MNAT1: variants seen among roughly 807,000 people sequenced by gnomAD.
MNAT1 encodes CDK-activating kinase assembly factor MAT1.
Under a neutral mutation model 42.0 loss-of-function variants are expected in MNAT1, and 43 were observed. The observed-to-expected ratio is 1.02, with a 90% CI of 0.80 to 1.32. The LOEUF (loss-of-function observed/expected upper bound fraction) is 1.32. MNAT1 is among the 40% of genes most tolerant of loss of function. MNAT1 has a pLI of 0.00. For synonymous variants in MNAT1, 118 were observed against 120.0 expected (o/e 0.98, Z 0.11); for missense variants, 306 against 350.4 (o/e 0.87, Z 1.01).
intron 7 of MNAT1, among the ~76,000 whole-genome samples, chr14:60,954,063 A>G (rs1297616779): frequency 1.3e-5 from 2 of 151,940 alleles, no homozygotes; most frequent in East Asian, 1.9e-4. Context: ...CCATTGGTGT[A>G]TACTGTTTTT....
intron 7 of MNAT1, among the ~76,000 whole-genome samples, chr14:60,909,621 A>G (rs1164272163): frequency 6.6e-6 from 1 of 152,068 alleles, no homozygotes; most frequent in African/African-American, 2.4e-5. Context: ...TTTGTCAAAG[A>G]TCAGATAGTT....
intron 7 of MNAT1, among the ~76,000 whole-genome samples, chr14:60,909,150 A>G (rs987763316): frequency 9.9e-5 from 15 of 151,860 alleles, no homozygotes; most frequent in African/African-American, 3.1e-4. Context: ...CATATCCTTC[A>G]CCCACTTTTT....
Position 60,967,696 on chromosome 14 carries a change from A to C in MNAT1, c.810-533A>C, listed in dbSNP as rs146139514. On this transcript the variant is annotated intron_variant, in intron 7 of 7. Transcript: ENST00000261245. ...GATTTCTTCAACATGTAATTTTCTA[A>C]TGTTTCCTTTCCTGCAAGGAATGAG... 3.9e-4 allele frequency among the ~76,000 whole-genome samples: 60 copies of C among 152,320 alleles called. No individual in the cohort carries two copies. The East Asian group carries it at 0.011, about 28-fold the overall frequency.
chr14:60,798,262 G>T, intron 3 of MNAT1, 102 bp downstream of exon 3: 1 of 582,510 alleles, frequency 1.7e-6, no homozygotes, highest in Non-Finnish European at 3.1e-6. Flanking sequence ...AACAGGTTTT[G>T]TTGTGATAGC....
chr14:60,892,855 CT>C (rs2034874718), intron 7 of MNAT1, among the ~76,000 whole-genome samples: 1 of 152,076 alleles, frequency 6.6e-6, no homozygotes, highest in Non-Finnish European at 1.5e-5. Flanking sequence ...AGAAACTCTG[CT>C]TTTAAACAGT....
intron 7 of MNAT1, among the ~76,000 whole-genome samples, chr14:60,917,453 A>T (rs534470293): frequency 6.6e-6 from 1 of 152,286 alleles, no homozygotes; most frequent in Admixed American, 6.5e-5. Flanking sequence ...TTTTTATTCC[A>T]TATATTCTTG....
At chr14:60,918,806 G>C (rs2035590168) in intron 7 of MNAT1, among the ~76,000 whole-genome samples, 1 of 150,846 alleles carries the variant, frequency 6.6e-6, no homozygotes, top group Admixed American at 6.6e-5. Flanking sequence ...GGGCATGAGG[G>C]ATCTGCTTTG....
intron 7 of MNAT1, among the ~76,000 whole-genome samples, chr14:60,952,013 A>G (rs1205588845): frequency 6.6e-6 from 1 of 152,172 alleles, no homozygotes; most frequent in Non-Finnish European, 1.5e-5. Flanking sequence ...TCTTGTGACT[A>G]TACCCAAGCT....
Position 60,746,913 on chromosome 14 carries a change from TATATATATATACACACACAC to T in MNAT1, c.89+11964_89+11983del, listed in dbSNP as rs1312107734. Among the ~76,000 whole-genome samples the T allele has an allele frequency of 5.7e-4, 15 of 26,300 alleles. No individual in the cohort carries two copies. The East Asian group carries it at 0.016, about 29-fold the overall frequency. 17.3% of individuals were successfully genotyped at this position (26,300 alleles called of 152,430 possible). On this transcript the variant is annotated intron_variant, in intron 1 of 7. Coordinates refer to ENST00000261245, the MANE Select transcript of MNAT1 (RefSeq NM_002431.4). Reference sequence around the variant, plus strand: ...GATTCATTTCATATATATATATATATATATATATATACACACACACACACACACACACACACACACACACA... The same window carrying T: ...GATTCATTTCATATATATATATATATACACACACACACACACACACACACA...
chr14:60,763,261 T>C (rs1211652577), intron 1 of MNAT1, among the ~76,000 whole-genome samples: 2 of 152,178 alleles, frequency 1.3e-5, no homozygotes, highest in Non-Finnish European at 2.9e-5. Context: ...GAAATGGCCA[T>C]TGCTGCATTG....
chr14:60,903,453 T>C (rs1440543422), intron 7 of MNAT1, among the ~76,000 whole-genome samples: 1 of 152,192 alleles, frequency 6.6e-6, no homozygotes, highest in Non-Finnish European at 1.5e-5. Context: ...AGGCAATCTA[T>C]AATACTTTAA....
At chr14:60,942,475 TTAGTCTTATTTAAA>T (rs1423254758) in intron 7 of MNAT1, among the ~76,000 whole-genome samples, 3 of 151,908 alleles carry the variant, frequency 2.0e-5, no homozygotes, top group Non-Finnish European at 4.4e-5. Flanking sequence ...TTGGACTCTT[TTAGTCTTATTTAAA>T]ATAGTGATAT....
At chr14:60,843,166 T>G (rs1402513781) in intron 6 of MNAT1, among the ~76,000 whole-genome samples, 1 of 152,212 alleles carries the variant, frequency 6.6e-6, no homozygotes, top group Non-Finnish European at 1.5e-5. Flanking sequence ...TGTCAATCTT[T>G]TTAATTTTAG....
chr14:60,919,618 T>C (rs1029191712), intron 7 of MNAT1: 1 of 153,362 alleles, frequency 6.5e-6, no homozygotes, highest in African/African-American at 2.4e-5. Flanking sequence ...AAGAGGTTTT[T>C]AGCAAGGCAG....
chr14:60,887,201 CTG>C (rs989094620), intron 7 of MNAT1, among the ~76,000 whole-genome samples: 1 of 15,058 alleles, frequency 6.6e-5, no homozygotes. Context: ...CATATCAGAG[CTG>C]TTTTTTTTTC....
intron 7 of MNAT1, among the ~76,000 whole-genome samples, chr14:60,951,386 G>T (rs1380587425): frequency 7.0e-6 from 1 of 142,616 alleles, no homozygotes; most frequent in African/African-American, 2.6e-5. Flanking sequence ...TTTGCTTCTT[G>T]CTGAAACATT....
chr14:60,940,659 T>G (rs1337333319), intron 7 of MNAT1, among the ~76,000 whole-genome samples: 1 of 152,146 alleles, frequency 6.6e-6, no homozygotes, highest in East Asian at 1.9e-4. Context: ...CCTCATGATC[T>G]GCCCGCCTTG....
Position 60,879,715 on chromosome 14 carries a change from G to T in MNAT1, c.689G>T (p.Gly230Val). ...PVTFSTGIKM[G>V]QHISLAPIHK... ...TAAGTTCCTTCATTTTTCTAACAGG[G>T]TCAACATATTTCACTGGCACCTATT... The change falls in exon 7 of 8, where the codon GGT (glycine) becomes GTT (valine). Residue 230 changes from glycine to valine, a missense_variant and splice_region_variant. Transcript: ENST00000261245. 6.2e-7 allele frequency: 1 copy of T among 1,611,208 alleles called. No individual in the cohort carries two copies. The highest frequency in any genetic ancestry group is 2.2e-5 in the East Asian group (1 of 44,778).
intron 7 of MNAT1, among the ~76,000 whole-genome samples, chr14:60,954,792 T>A (rs947088533): frequency 6.6e-6 from 1 of 152,202 alleles, no homozygotes; most frequent in Non-Finnish European, 1.5e-5. Context: ...CTTGGCTTAT[T>A]CCTAATTTTA....
Sources: gnomAD v4.1 joint callset for allele counts (sites outside exome capture counted in the v4.1 genomes callset) on GRCh38, gnomAD v4.1.1 for gene constraint, MANE v1.5 for transcripts, NCBI Gene and HGNC (gene_info 2026-07-23, HGNC 2026-07-21) for gene names.